The following PTPRD variants were observed in gnomAD, a reference collection of about 807,000 sequenced individuals.
PTPRD encodes the protein protein tyrosine phosphatase receptor type D.
A neutral mutation model predicts 214.5 loss-of-function variants in PTPRD; 34 were observed. The observed-to-expected ratio is 0.16, with a 90% CI of 0.12 to 0.21. The LOEUF (loss-of-function observed/expected upper bound fraction) is 0.21, where lower values mean the gene tolerates loss of function less well. PTPRD is among the 10% of genes least tolerant of loss of function. The pLI is 1.00. For missense variants in PTPRD, 2,545 were observed against 2,398.7 expected, an observed-to-expected ratio of 1.06 and a Z score of -1.27; for synonymous variants, 1,128 against 845.7, an observed-to-expected ratio of 1.33 and a Z score of -5.79.
intron 2 of PTPRD, among the ~76,000 whole-genome samples, chr9:10,394,777 G>C (rs140018578): frequency 1.9e-5 from 1 of 53,392 alleles, no homozygotes; most frequent in South Asian, 5.0e-4. Flanking sequence ...TTTGATTTTT[G>C]TTAAATAGAA....
rs1189454338 is a variant in PTPRD at position 10,511,954 on chromosome 9, G to GTA, written c.-600+100442_-600+100443dup. On this transcript the variant is annotated intron_variant, in intron 2 of 45. Transcript: ENST00000381196. ...TACGTGTATATATATATACGTGTGTGTATATATATATACGTGTGTGTGTAT... is the reference window on the plus strand; with the variant it reads ...TACGTGTATATATATATACGTGTGTGTATATATATATATACGTGTGTGTGTAT... 3.3e-3 allele frequency among the ~76,000 whole-genome samples: 211 copies of GTA among 64,886 alleles called. 3 individuals carry two copies. Among genetic ancestry groups the GTA allele is most frequent in the Admixed American group, 9.1e-3 (56 of 6,186 alleles). The allele number at this position is 64,886 out of a possible 152,430, so 42.6% of individuals were successfully genotyped here. A position where few individuals can be genotyped will look rare whatever the true frequency, so the allele number is the denominator to read the frequency against.
intron 9 of PTPRD, among the ~76,000 whole-genome samples, chr9:9,261,788 G>C (rs1285456904): frequency 6.6e-6 from 1 of 151,768 alleles, no homozygotes; most frequent in Non-Finnish European, 1.5e-5. Flanking sequence ...TTTTGGCTAA[G>C]TGTGGCTCCT....
intron 11 of PTPRD, among the ~76,000 whole-genome samples, chr9:8,746,164 G>A (rs1018499978): frequency 6.6e-6 from 1 of 152,102 alleles, no homozygotes; most frequent in Non-Finnish European, 1.5e-5. Context: ...GACAAGGTGG[G>A]AACGGGTTAG....
chr9:9,540,269 C>T (rs559332195), intron 8 of PTPRD, among the ~76,000 whole-genome samples: 119 of 151,752 alleles, frequency 7.8e-4, no homozygotes, highest in Middle Eastern at 3.4e-3. Flanking sequence ...CATTTTACTA[C>T]GTAAACACTG....
At chr9:8,999,043 G>T (rs931308257) in intron 11 of PTPRD, among the ~76,000 whole-genome samples, 3 of 152,042 alleles carry the variant, frequency 2.0e-5, no homozygotes, top group African/African-American at 4.8e-5. Context: ...CCAAGAAAAT[G>T]ATTGCATGAG....
At chr9:9,858,142 G>A (rs974551046) in intron 5 of PTPRD, among the ~76,000 whole-genome samples, 5 of 152,096 alleles carry the variant, frequency 3.3e-5, no homozygotes. Flanking sequence ...CACAGGCCCT[G>A]AATTATAAAA....
At chr9:10,317,839 T>C (rs955196478) in intron 3 of PTPRD, among the ~76,000 whole-genome samples, 2 of 152,044 alleles carry the variant, frequency 1.3e-5, no homozygotes, top group African/African-American at 4.8e-5. Flanking sequence ...AATTTACCTT[T>C]GGCTCACATG....
intron 11 of PTPRD, among the ~76,000 whole-genome samples, chr9:8,783,336 T>C (rs534706641): frequency 5.5e-4 from 84 of 152,364 alleles, no homozygotes; most frequent in Non-Finnish European, 1.1e-3. Flanking sequence ...CTAGTATTAG[T>C]AACTTTCTGT....
At chr9:9,134,215 G>A (rs2099847388) in intron 10 of PTPRD, among the ~76,000 whole-genome samples, 1 of 148,162 alleles carries the variant, frequency 6.7e-6, no homozygotes, top group Non-Finnish European at 1.5e-5. Flanking sequence ...TGGGACTACA[G>A]GTGCCCGCCA....
intron 14 of PTPRD, among the ~76,000 whole-genome samples, chr9:8,560,664 A>G (rs2141242478): frequency 6.6e-6 from 1 of 152,274 alleles, no homozygotes; most frequent in Admixed American, 6.5e-5. Context: ...TTATCTTCCC[A>G]CACCCAACCA....
chr9:9,394,196 G>A (rs1474898914), intron 9 of PTPRD, among the ~76,000 whole-genome samples: 1 of 152,118 alleles, frequency 6.6e-6, no homozygotes, highest in Non-Finnish European at 1.5e-5. Context: ...AAATCATTCA[G>A]AAAGCAAATG....
At chr9:8,721,071 G>A (rs1005315666) in intron 12 of PTPRD, among the ~76,000 whole-genome samples, 5 of 150,988 alleles carry the variant, frequency 3.3e-5, no homozygotes, top group Admixed American at 2.6e-4. Context: ...TGAGAAGTGA[G>A]GAGGATAAAA....
At chr9:10,508,942 A>C (rs2047022564) in intron 2 of PTPRD, among the ~76,000 whole-genome samples, 1 of 152,140 alleles carries the variant, frequency 6.6e-6, no homozygotes, top group South Asian at 2.1e-4. Context: ...TTAGAGTATA[A>C]TAAAAAAATA....
intron 11 of PTPRD, among the ~76,000 whole-genome samples, chr9:8,777,478 G>C (rs115285484): frequency 0.027 from 4,130 of 152,140 alleles, 162 homozygotes; most frequent in African/African-American, 0.094. Flanking sequence ...AAAATATAAA[G>C]ACAATTTTGT....
chr9:8,647,808 A>G (rs1033125), intron 12 of PTPRD, among the ~76,000 whole-genome samples: 14,931 of 152,304 alleles, frequency 0.098, 828 homozygotes, highest in East Asian at 0.19. Flanking sequence ...ATCATTGGCC[A>G]TATTTTTATC....
In PTPRD at chr9:9,168,802, T is replaced by C. The variant is rs147172645; in HGVS notation, c.-143+14502A>G. 4.3e-3 allele frequency among the ~76,000 whole-genome samples: 659 copies of C among 152,226 alleles called. 2 individuals carry two copies. Among genetic ancestry groups the C allele is most frequent in the African/African-American group, 0.015 (630 of 41,574 alleles). The stretch of plus-strand genomic sequence containing the variant: ...TGAGAGGAAGAAAGCAGTTTATTTG[T>C]TACGGGTACATTTGAATAAGACCTT... On this transcript the variant is annotated intron_variant, in intron 10 of 45. Transcript: ENST00000381196.
At chr9:9,311,750 A>G (rs1959072236) in intron 9 of PTPRD, among the ~76,000 whole-genome samples, 1 of 152,206 alleles carries the variant, frequency 6.6e-6, no homozygotes, top group Non-Finnish European at 1.5e-5. Flanking sequence ...ATTGTTTTAA[A>G]TAGAATACAG....
At chr9:10,508,497 G>A (rs568112636) in intron 2 of PTPRD, among the ~76,000 whole-genome samples, 6 of 152,214 alleles carry the variant, frequency 3.9e-5, no homozygotes, top group South Asian at 2.1e-4. Flanking sequence ...ACATGCACAC[G>A]TATGTTTATT....
At chr9:8,405,603 T>C (rs2092894966) in intron 35 of PTPRD, among the ~76,000 whole-genome samples, 1 of 152,164 alleles carries the variant, frequency 6.6e-6, no homozygotes, top group Non-Finnish European at 1.5e-5. Context: ...TACTTTTTCT[T>C]TCATCATAGG....
Sources: gnomAD v4.1 joint callset for allele counts (sites outside exome capture counted in the v4.1 genomes callset) on GRCh38, gnomAD v4.1.1 for gene constraint, MANE v1.5 for transcripts, NCBI Gene and HGNC (gene_info 2026-07-23, HGNC 2026-07-21) for gene names.